GRB2: variants seen among roughly 807,000 people sequenced by gnomAD.
GRB2 encodes growth factor receptor-bound protein 2.
In GRB2, 2 loss-of-function variants were observed where a neutral mutation model predicts 27.4. That is an observed-to-expected ratio of 0.07 (90% CI 0.03 to 0.23). The LOEUF (loss-of-function observed/expected upper bound fraction) is 0.23, where lower values mean the gene tolerates loss of function less well. Ranked by LOEUF, GRB2 falls within the 10% of genes least tolerant of loss-of-function variation. The pLI is 1.00. For missense variants in GRB2, 102 were observed against 282.4 expected (o/e 0.36, Z 4.58); for synonymous variants, 94 against 99.6 (o/e 0.94, Z 0.33).
At chr17:75,366,927 T>A (rs1437667221) in intron 2 of GRB2, among the ~76,000 whole-genome samples, 1 of 151,894 alleles carries the variant, frequency 6.6e-6, no homozygotes, top group Non-Finnish European at 1.5e-5. Flanking sequence ...GGTTCCCAGG[T>A]AAAATTTCCT....
intron 4 of GRB2, among the ~76,000 whole-genome samples, chr17:75,323,896 G>A (rs1269114602): frequency 6.6e-6 from 1 of 151,492 alleles, no homozygotes; most frequent in South Asian, 2.1e-4. Context: ...TGCAACCTCT[G>A]CCTCCTAGGT....
At chr17:75,352,874 GT>G (rs374164944) in intron 2 of GRB2, among the ~76,000 whole-genome samples, 153 of 147,504 alleles carry the variant, frequency 1.0e-3, no homozygotes, top group African/African-American at 3.4e-3. Flanking sequence ...AAGTTAACTT[GT>G]TTTTTTTTTT....
rs561223545 is a variant in GRB2 at position 75,352,889 on chromosome 17, T to A, written c.79-20092A>T. On this transcript the variant is annotated intron_variant, in intron 2 of 5. Transcript: ENST00000316804. ...AAGTTAACTTGTTTTTTTTTTTTTT[T>A]TAAAAGACATAGTTGGCCAGGCACA... Among the ~76,000 whole-genome samples the A allele has an allele frequency of 6.7e-3, 992 of 148,050 alleles. 14 individuals carry two copies. The highest frequency in any genetic ancestry group is 0.023 in the African/African-American group (896 of 38,944).
chr17:75,324,668 C>A (rs2078486956), intron 4 of GRB2, among the ~76,000 whole-genome samples: 3 of 151,728 alleles, frequency 2.0e-5, no homozygotes, highest in African/African-American at 7.3e-5. Flanking sequence ...CAGGTGTGTG[C>A]CACTATGCCT....
chr17:75,323,765 T>C (rs1483541273), intron 4 of GRB2, among the ~76,000 whole-genome samples: 1 of 151,974 alleles, frequency 6.6e-6, no homozygotes, highest in South Asian at 2.1e-4. Flanking sequence ...TGGGTCAGTA[T>C]AAAACTAAAG....
chr17:75,402,204 A>G (rs1429152191), intron 1 of GRB2, among the ~76,000 whole-genome samples: 1 of 152,230 alleles, frequency 6.6e-6, no homozygotes, highest in African/African-American at 2.4e-5. Flanking sequence ...CTGAGAGTGA[A>G]AAACAAAACA....
rs941101581 is a variant in GRB2 at position 75,405,536 on chromosome 17, C to G, written c.-185G>C. ...GCGTCCGGCCCGCCCCTCCACAACG[C>G]TGCGAGCGGCCGGCGACCCCAAGGC... On this transcript the variant is annotated 5_prime_UTR_variant, in exon 1 of 6. Coordinates refer to ENST00000316804, the MANE Select transcript of GRB2 (RefSeq NM_002086.5). 2.6e-5 allele frequency: 4 copies of G among 154,304 alleles called. No homozygotes were observed. Among genetic ancestry groups the G allele is most frequent in the African/African-American group, 9.6e-5 (4 of 41,478 alleles). 9.6% of individuals were successfully genotyped at this position (154,304 alleles called of 1,614,324 possible).
intron 2 of GRB2, among the ~76,000 whole-genome samples, chr17:75,342,559 C>A (rs369374311): frequency 6.6e-6 from 1 of 152,058 alleles, no homozygotes; most frequent in Non-Finnish European, 1.5e-5. Flanking sequence ...CATGAGCCAC[C>A]GCACCGTCAA....
intron 2 of GRB2, among the ~76,000 whole-genome samples, chr17:75,361,440 G>T (rs561171109): frequency 2.0e-5 from 3 of 152,044 alleles, no homozygotes; most frequent in Non-Finnish European, 4.4e-5. Context: ...CAGAAAAATG[G>T]GTCTAAACAC....
intron 2 of GRB2, among the ~76,000 whole-genome samples, chr17:75,380,410 T>C (rs2078920700): frequency 1.3e-5 from 2 of 152,082 alleles, no homozygotes; most frequent in East Asian, 3.9e-4. Flanking sequence ...CCATAATCCC[T>C]ACATCCAGAG....
chr17:75,327,006 A>G (rs1202744312), intron 3 of GRB2, among the ~76,000 whole-genome samples: 1 of 152,178 alleles, frequency 6.6e-6, no homozygotes, highest in African/African-American at 2.4e-5. Context: ...GCTAATTATA[A>G]TATCAAAAGT....
At chr17:75,327,393 T>C (rs895838003) in intron 3 of GRB2, among the ~76,000 whole-genome samples, 4 of 122,602 alleles carry the variant, frequency 3.3e-5, no homozygotes, top group Non-Finnish European at 5.1e-5. Flanking sequence ...TTTTTTTAGA[T>C]AGAGTCTCAC....
intron 2 of GRB2, among the ~76,000 whole-genome samples, chr17:75,337,948 T>G (rs2196283): frequency 0.6 from 86,354 of 142,742 alleles, 30,836 homozygotes; most frequent in East Asian, 0.86. Context: ...TATTATTTAT[T>G]GAGACAGAGT....
rs555923594 is a variant in GRB2, at chr17:75,389,739, G to C, written c.78+3812C>G. Among the ~76,000 whole-genome samples the C allele has an allele frequency of 1.4e-3, 216 of 152,256 alleles. 3 individuals are homozygous for C. Among genetic ancestry groups the C allele is most frequent in the African/African-American group, 4.3e-3 (178 of 41,534 alleles). ...TGGGTGCCTGTAGTCCCAGCTACTG[G>C]GAGGCTGAGGCAGGAGAATGGCGTG... On this transcript the variant is annotated intron_variant, in intron 2 of 5. Coordinates refer to ENST00000316804, the MANE Select transcript of GRB2 (RefSeq NM_002086.5).
At chr17:75,369,198 TA>T (rs2078839776) in intron 2 of GRB2, among the ~76,000 whole-genome samples, 1 of 152,196 alleles carries the variant, frequency 6.6e-6, no homozygotes, top group Non-Finnish European at 1.5e-5. Flanking sequence ...CTTTGGTATA[TA>T]AAAAGAACAT....
In GRB2 at chr17:75,321,782, G is replaced by T; in HGVS notation, c.345C>A (p.Ala115=). 4 of 1,613,982 alleles carry T rather than the reference G, an allele frequency of 2.5e-6. No homozygotes were observed. Among genetic ancestry groups the T allele is most frequent in the Non-Finnish European group, 3.4e-6 (4 of 1,179,948 alleles). Residue 115 remains alanine, a synonymous_variant, in exon 5 of 6, where the codon GCC becomes GCA. Coordinates refer to ENST00000316804, the MANE Select transcript of GRB2 (RefSeq NM_002086.5). ...VQHFKVLRDG[A]GKYFLWVVKF... ...TCACCACCCAGAGGAAGTACTTCCC[G>T]GCTCCATCTCGGAGCACCTTGAAGT...
chr17:75,327,073 C>CTTT (rs66526663), intron 3 of GRB2, among the ~76,000 whole-genome samples: 28 of 135,816 alleles, frequency 2.1e-4, no homozygotes, highest in East Asian at 4.3e-4. Context: ...CATATCTTTT[C>CTTT]TTTTTTTTTT....
intron 2 of GRB2, among the ~76,000 whole-genome samples, chr17:75,333,126 A>G (rs548558680): frequency 2.6e-5 from 4 of 152,194 alleles, no homozygotes; most frequent in African/African-American, 9.6e-5. Flanking sequence ...CCCAGGCTGA[A>G]GTGCAGTGGC....
chr17:75,391,547 G>A (rs1253410746), intron 2 of GRB2, among the ~76,000 whole-genome samples: 2 of 152,136 alleles, frequency 1.3e-5, no homozygotes, highest in Non-Finnish European at 2.9e-5. Context: ...AGTAGCTCAC[G>A]CCTGTAATCC....
Sources: gnomAD v4.1 joint callset for allele counts (sites outside exome capture counted in the v4.1 genomes callset) on GRCh38, gnomAD v4.1.1 for gene constraint, MANE v1.5 for transcripts, NCBI Gene and HGNC (gene_info 2026-07-23, HGNC 2026-07-21) for gene names.